Variants in KIF15 observed in about 807,000 individuals in gnomAD.
The protein encoded by KIF15 is kinesin family member 15.
A neutral mutation model predicts 190.6 loss-of-function variants in KIF15; 140 were observed. The ratio of observed to expected loss-of-function variants is 0.73; its 90% CI spans 0.64 to 0.84. The LOEUF is 0.84. KIF15 is among the 40% of genes least tolerant of loss of function. The pLI, the probability that KIF15 is intolerant of heterozygous loss-of-function variation, is 0.00. For missense variants in KIF15, 1,372 were observed against 1,584.4 expected (o/e 0.87, Z 2.28); for synonymous variants, 528 against 551.3 (o/e 0.96, Z 0.59).
intron 7 of KIF15, among the ~76,000 whole-genome samples, chr3:44,787,560 CGTAGTATGT>C (rs1706470399): frequency 6.6e-6 from 1 of 152,008 alleles, no homozygotes; most frequent in Admixed American, 6.6e-5. Context: ...GTACATGTGA[CGTAGTATGT>C]GTATACATAC....
At chr3:44,803,920 C>T (rs1017965896) in intron 14 of KIF15, among the ~76,000 whole-genome samples, 1 of 151,976 alleles carries the variant, frequency 6.6e-6, no homozygotes, top group Non-Finnish European at 1.5e-5. Context: ...GGTGCGATCT[C>T]GGCTCACTGC....
intron 7 of KIF15, among the ~76,000 whole-genome samples, chr3:44,787,089 G>A (rs7653714): frequency 6.6e-6 from 1 of 152,242 alleles, no homozygotes; most frequent in Admixed American, 6.5e-5. Flanking sequence ...ATGAAATATT[G>A]CCACAAGCAT....
intron 15 of KIF15, among the ~76,000 whole-genome samples, chr3:44,805,433 T>TAATC (rs1379754523): frequency 6.6e-6 from 1 of 152,240 alleles, no homozygotes; most frequent in Non-Finnish European, 1.5e-5. Context: ...TTAAATTTGA[T>TAATC]AATCAGAGTT....
Position 44,863,307 on chromosome 3 carries a change from C to T in KIF15, c.*60-10022C>T, listed in dbSNP as rs546090477. The T allele has an allele frequency of 1.8e-5, 2 of 108,890 alleles. 1 individual carries two copies. Among genetic ancestry groups the T allele is most frequent in the African/African-American group, 5.9e-5 (2 of 34,132 alleles). 6.7% of individuals were successfully genotyped at this position (108,890 alleles called of 1,614,324 possible). A position where few individuals can be genotyped will look rare whatever the true frequency, so the allele number is the denominator to read the frequency against. On this transcript the variant is annotated intron_variant and NMD_transcript_variant, in intron 6 of 6. Coordinates refer to the KIF15 transcript ENST00000422209. Reference sequence around the variant, plus strand: ...AGTATATTTAGATTCCGCACCCCCCCCCCCCGCCGCCTTGTCTCCAGGCAG... The same window carrying T: ...AGTATATTTAGATTCCGCACCCCCCTCCCCCGCCGCCTTGTCTCCAGGCAG...
At chr3:44,780,835 T>G in intron 4 of KIF15, 50 bp from the exon 5 acceptor site, 2 of 1,214,678 alleles carry the variant, frequency 1.6e-6, no homozygotes, top group Admixed American at 2.0e-5. Context: ...ATAGGAGGAG[T>G]AGTCTTTTAA....
At chr3:44,826,007 T>C (rs1212155133) in intron 20 of KIF15, 32 bp from the exon 21 acceptor site, 3 of 1,538,314 alleles carry the variant, frequency 2.0e-6, no homozygotes, top group Non-Finnish European at 2.6e-6. Flanking sequence ...TAAATGTTTA[T>C]TTACCATTTT....
chr3:44,813,275 G>A lies in KIF15; in HGVS notation c.2383+95G>A, dbSNP rs778982719. 14 of 709,840 alleles carry A rather than the reference G, an allele frequency of 2.0e-5. No individual in the cohort carries two copies. The African/African-American group carries it at 2.4e-4, about 12-fold the overall frequency. 44.0% of individuals were successfully genotyped at this position (709,840 alleles called of 1,614,324 possible). A position where few individuals can be genotyped will look rare whatever the true frequency, so the allele number is the denominator to read the frequency against. ...AATAAATGCTGTTCCTATGTTTTTG[G>A]ATGGTTGCTTTGTTGTTGTTGTTTG... is the stretch of plus-strand genomic sequence containing the variant. On this transcript the variant is annotated intron_variant, in intron 19 of 34. Transcript: ENST00000326047.
chr3:44,797,612 A>G lies in KIF15; in HGVS notation c.911A>G (p.Asp304Gly). 6.2e-7 allele frequency: 1 copy of G among 1,614,172 alleles called. No individual in the cohort carries two copies. The highest frequency in any genetic ancestry group is 1.1e-5 in the South Asian group (1 of 91,082). ...GGCCAAGTGATTACAGCACTTGTCG[A>G]CGTGGGTAATGGAAAACAGAGACAT... Reference protein sequence around the residue: ...CLGQVITALVDVGNGKQRHVC... With the variant: ...CLGQVITALVGVGNGKQRHVC... The change falls in exon 9 of 35, where the codon GAC becomes GGC. Residue 304 changes from aspartate to glycine, a missense_variant. Physicochemically the swap from Asp to Gly is moderately conservative, Grantham distance 94. Coordinates refer to ENST00000326047, the MANE Select transcript of KIF15 (RefSeq NM_020242.3).
chr3:44,817,839 G>A (rs1170844530), intron 20 of KIF15, among the ~76,000 whole-genome samples: 1 of 152,138 alleles, frequency 6.6e-6, no homozygotes, highest in Non-Finnish European at 1.5e-5. Context: ...GGGCAGTATG[G>A]CCATTTTCAC....
At chr3:44,820,063 G>A (rs1291632984) in intron 20 of KIF15, among the ~76,000 whole-genome samples, 1 of 152,124 alleles carries the variant, frequency 6.6e-6, no homozygotes, top group African/African-American at 2.4e-5. Context: ...GACTAGGATT[G>A]CAATCGCTGG....
At chr3:44,777,304 A>T (rs758037786) in intron 3 of KIF15, among the ~76,000 whole-genome samples, 3 of 152,106 alleles carry the variant, frequency 2.0e-5, no homozygotes, top group South Asian at 4.1e-4. Flanking sequence ...AGCCCATCAC[A>T]GATCTTAAGT....
intron 17 of KIF15, 105 bp downstream of exon 17, chr3:44,811,148 A>T: frequency 1.2e-6 from 1 of 801,156 alleles, no homozygotes; most frequent in African/African-American, 1.7e-5. Flanking sequence ...AGTGCTTAGT[A>T]TTAAAATCAT....
At chr3:44,863,276 G>C (rs930033621) in intron 6 of KIF15, 1 of 121,772 alleles carries the variant, frequency 8.2e-6, no homozygotes, top group East Asian at 2.9e-4. Flanking sequence ...ACCATTACAA[G>C]TAATAAGTAT....
chr3:44,800,798 A>G (rs1707230704), intron 11 of KIF15, among the ~76,000 whole-genome samples: 1 of 152,218 alleles, frequency 6.6e-6, no homozygotes. Flanking sequence ...GGAAATCCAT[A>G]AAGGCAAGAG....
At chr3:44,797,195 T>G (rs1406147062) in intron 8 of KIF15, among the ~76,000 whole-genome samples, 2 of 152,080 alleles carry the variant, frequency 1.3e-5, no homozygotes, top group Non-Finnish European at 2.9e-5. Context: ...GCCCAGCAGT[T>G]TTTTGTATTT....
At chr3:44,838,808 T>G (rs1177031992) in intron 27 of KIF15, among the ~76,000 whole-genome samples, 2 of 150,954 alleles carry the variant, frequency 1.3e-5, no homozygotes, top group Non-Finnish European at 1.5e-5. Context: ...TGTCATGACA[T>G]TCCTGCATTG....
chr3:44,781,089 A>C (rs534684527), intron 5 of KIF15, among the ~76,000 whole-genome samples, 167 bp downstream of exon 5: 2 of 152,328 alleles, frequency 1.3e-5, no homozygotes, highest in South Asian at 4.1e-4. Context: ...AGCAAAGTCC[A>C]TGTGTTAATC....
intron 6 of KIF15, chr3:44,864,114 A>G (rs988639836): frequency 3.2e-6 from 5 of 1,573,190 alleles, no homozygotes; most frequent in East Asian, 2.2e-5. Context: ...GGTGCCAGCA[A>G]CCACAGTCCT....
chr3:44,830,780 A>T (rs1559577179), intron 25 of KIF15, 116 bp from the exon 26 acceptor site: 1 of 983,082 alleles, frequency 1.0e-6, no homozygotes, highest in Non-Finnish European at 1.5e-6. Context: ...GCAAGTATTT[A>T]TTGAATTATC....
Sources: allele counts gnomAD v4.1 joint callset (sites outside exome capture counted in the v4.1 genomes callset), GRCh38; gene constraint gnomAD v4.1.1; transcripts MANE v1.5; gene names NCBI Gene and HGNC (gene_info 2026-07-23, HGNC 2026-07-21).